The following NRXN3 variants were observed in gnomAD, a reference collection of about 807,000 sequenced individuals.
The protein encoded by NRXN3 is neurexin 3, also known as neurexin III.
In NRXN3, 32 loss-of-function variants were observed where a neutral mutation model predicts 137.6. The ratio of observed to expected loss-of-function variants is 0.23; its 90% CI spans 0.18 to 0.31. The LOEUF (loss-of-function observed/expected upper bound fraction) is 0.31, where lower values mean the gene tolerates loss of function less well. NRXN3 is among the 10% of genes least tolerant of loss of function. The pLI is 1.00. For missense variants in NRXN3, 1,574 were observed against 2,062.5 expected (o/e 0.76, Z 4.59); for synonymous variants, 798 against 784.5 (o/e 1.02, Z -0.29).
intron 15 of NRXN3, among the ~76,000 whole-genome samples, chr14:79,015,250 C>T (rs113582985): frequency 0.029 from 4,416 of 152,208 alleles, 214 homozygotes; most frequent in African/African-American, 0.099. Context: ...TCTACAATTG[C>T]GTAACTGAAT....
At position 78,614,903 on chromosome 14, in the gene NRXN3, C is replaced by T. The variant is rs1405590621; in HGVS notation, c.758-30217C>T. The T allele has an allele frequency of 4.4e-6, 2 of 455,396 alleles. 1 individual carries two copies. Among genetic ancestry groups the T allele is most frequent in the South Asian group, 3.1e-5 (2 of 64,514 alleles). 28.2% of individuals were successfully genotyped at this position (455,396 alleles called of 1,614,324 possible). On this transcript the variant is annotated intron_variant, in intron 4 of 20. Coordinates refer to ENST00000335750, the MANE Select transcript of NRXN3 (RefSeq NM_001330195.2). ...GCTGGGGGCTCAGCAGCTAGTGGAACTCTAGGGACCTCAAAGCATGACTAA... is the reference window on the plus strand; with the variant it reads ...GCTGGGGGCTCAGCAGCTAGTGGAATTCTAGGGACCTCAAAGCATGACTAA...
intron 15 of NRXN3, among the ~76,000 whole-genome samples, chr14:79,132,421 T>G (rs2152967708): frequency 6.6e-6 from 1 of 152,368 alleles, no homozygotes; most frequent in East Asian, 1.9e-4. Flanking sequence ...GGAAATAGGA[T>G]GTAAAATAGC....
At chr14:79,830,050 G>A (rs113626629) in intron 20 of NRXN3, among the ~76,000 whole-genome samples, 4 of 152,186 alleles carry the variant, frequency 2.6e-5, no homozygotes, top group Admixed American at 6.5e-5. Context: ...CATCATGGCC[G>A]CTTCCTTTAC....
intron 20 of NRXN3, among the ~76,000 whole-genome samples, chr14:79,811,581 C>CTTTTTTTTTTTTTTTTTTTT (rs370942970): frequency 1.4e-4 from 16 of 116,602 alleles, no homozygotes; most frequent in East Asian, 4.9e-4. Flanking sequence ...TTTCTTTTTT[C>CTTTTTTTTTTTTTTTTTTTT]TTTTTTTTTT....
intron 4 of NRXN3, among the ~76,000 whole-genome samples, chr14:78,493,563 T>TAAATAAATAAAA (rs1567748760): frequency 7.6e-6 from 1 of 132,092 alleles, no homozygotes; most frequent in Non-Finnish European, 1.7e-5. Flanking sequence ...AATAAATAAA[T>TAAATAAATAAAA]AAAAAGAATT....
intron 10 of NRXN3, among the ~76,000 whole-genome samples, chr14:78,880,471 C>T (rs1185978883): frequency 6.6e-6 from 1 of 152,030 alleles, no homozygotes; most frequent in Non-Finnish European, 1.5e-5. Context: ...TAGTGAAATG[C>T]AAGCACTGCA....
chr14:78,314,725 T>G (rs756735656), intron 4 of NRXN3, among the ~76,000 whole-genome samples: 3 of 152,170 alleles, frequency 2.0e-5, no homozygotes, highest in Non-Finnish European at 4.4e-5. Context: ...GTTCTGTGCT[T>G]CTGTGTTCTG....
intron 16 of NRXN3, among the ~76,000 whole-genome samples, chr14:79,481,313 A>G (rs1424979779): frequency 1.3e-5 from 2 of 152,116 alleles, no homozygotes; most frequent in Non-Finnish European, 2.9e-5. Flanking sequence ...TTCCACTTTA[A>G]TCTCTTTCAT....
intron 20 of NRXN3, among the ~76,000 whole-genome samples, chr14:79,817,482 A>G (rs1252286117): frequency 6.6e-6 from 1 of 152,220 alleles, no homozygotes; most frequent in African/African-American, 2.4e-5. Context: ...GAATATTAGC[A>G]CTTCCTTTAG....
At chr14:78,467,983 G>T (rs1256898873) in intron 4 of NRXN3, among the ~76,000 whole-genome samples, 1 of 152,074 alleles carries the variant, frequency 6.6e-6, no homozygotes, top group Non-Finnish European at 1.5e-5. Context: ...GAGCGCAGTG[G>T]CACGATCTTG....
intron 12 of NRXN3, 22 bp from the exon 13 acceptor site, chr14:78,967,186 T>TG: frequency 2.1e-6 from 2 of 948,792 alleles, no homozygotes; most frequent in Non-Finnish European, 2.7e-6. Context: ...CAATTATTGT[T>TG]TTTTTTTTTT....
At chr14:79,628,753 G>A (rs956986468) in intron 16 of NRXN3, among the ~76,000 whole-genome samples, 5 of 152,178 alleles carry the variant, frequency 3.3e-5, no homozygotes, top group Non-Finnish European at 7.3e-5. Flanking sequence ...GCAGCACAGT[G>A]TATCTTACAG....
At chr14:79,859,570 T>C (rs76306671) in intron 20 of NRXN3, among the ~76,000 whole-genome samples, 2,230 of 152,252 alleles carry the variant, frequency 0.015, 25 homozygotes, top group South Asian at 0.032. Flanking sequence ...CCAAGGCTTA[T>C]TCACTTGGAG....
rs56788209 is a variant in NRXN3 at position 78,532,375 on chromosome 14, T to TTGTGTGTGTGTG, written c.758-112713_758-112702dup. ...AAAGAAAAAGAAAATTGATGATATT[T>TTGTGTGTGTGTG]TGTGTGTGTGTGTGTGTGTGTGTGT... On this transcript the variant is annotated intron_variant, in intron 4 of 20. Coordinates refer to ENST00000335750, the MANE Select transcript of NRXN3 (RefSeq NM_001330195.2). 2.4e-3 allele frequency among the ~76,000 whole-genome samples: 339 copies of TTGTGTGTGTGTG among 138,646 alleles called. 3 individuals are homozygous for TTGTGTGTGTGTG. Among genetic ancestry groups the TTGTGTGTGTGTG allele is most frequent in the East Asian group, 0.012 (57 of 4,608 alleles). 91.0% of individuals were successfully genotyped at this position (138,646 alleles called of 152,430 possible).
intron 8 of NRXN3, among the ~76,000 whole-genome samples, chr14:78,778,308 G>T (rs1193436102): frequency 6.6e-6 from 1 of 152,074 alleles, no homozygotes; most frequent in East Asian, 1.9e-4. Flanking sequence ...TACTTTAAAC[G>T]GTTAGGCAAT....
intron 15 of NRXN3, among the ~76,000 whole-genome samples, chr14:79,321,511 C>A (rs1015742380): frequency 4.6e-5 from 7 of 152,048 alleles, no homozygotes; most frequent in African/African-American, 1.7e-4. Context: ...TTCTATTTTT[C>A]ATTATAGTAC....
intron 15 of NRXN3, among the ~76,000 whole-genome samples, chr14:79,459,669 T>C (rs78796769): frequency 0.026 from 4,028 of 152,080 alleles, 190 homozygotes; most frequent in African/African-American, 0.092. Context: ...GTGAAAAATA[T>C]AGAGTTTTGA....
intron 15 of NRXN3, among the ~76,000 whole-genome samples, chr14:79,380,862 C>T (rs565453855): frequency 8.5e-5 from 13 of 152,134 alleles, no homozygotes; most frequent in African/African-American, 2.9e-4. Context: ...TAGAACTAGA[C>T]CTAGATATAC....
intron 15 of NRXN3, among the ~76,000 whole-genome samples, chr14:79,154,049 T>A (rs1230603172): frequency 6.6e-6 from 1 of 151,978 alleles, no homozygotes; most frequent in Non-Finnish European, 1.5e-5. Context: ...AACTCTTTCC[T>A]TTTGGCTTTT....
Sources: allele counts gnomAD v4.1 joint callset (sites outside exome capture counted in the v4.1 genomes callset), GRCh38; gene constraint gnomAD v4.1.1; transcripts MANE v1.5; gene names NCBI Gene and HGNC (gene_info 2026-07-23, HGNC 2026-07-21).